The following AFAP1L1 variants were observed in gnomAD, a reference collection of about 807,000 sequenced individuals.
AFAP1L1 encodes actin filament-associated protein 1-like 1.
Under a neutral mutation model 99.8 loss-of-function variants are expected in AFAP1L1, and 77 were observed. The observed-to-expected ratio is 0.77, with a 90% CI of 0.64 to 0.93. AFAP1L1 has a LOEUF of 0.93. AFAP1L1 is among the 40% of genes least tolerant of loss of function. The probability of loss-of-function intolerance (pLI) is 0.00; values close to 1 mark genes in which losing one functional copy is unlikely to be tolerated. For synonymous variants in AFAP1L1, 373 were observed against 395.3 expected, an observed-to-expected ratio of 0.94 and a Z score of 0.67; for missense variants, 893 against 996.8, an observed-to-expected ratio of 0.90 and a Z score of 1.40.
intron 16 of AFAP1L1, 79 bp from the exon 17 acceptor site, chr5:149,332,616 C>A: frequency 4.7e-6 from 7 of 1,492,474 alleles, no homozygotes; most frequent in Non-Finnish European, 5.4e-6. Context: ...GAGGGGCAGA[C>A]AAAGGCCTGA....
Position 149,320,568 on chromosome 5 carries a change from A to C in AFAP1L1, c.1698+105A>C, listed in dbSNP as rs1386293272. On this transcript the variant is annotated intron_variant, in intron 14 of 18. Coordinates refer to ENST00000296721, the MANE Select transcript of AFAP1L1 (RefSeq NM_152406.4). This position sits in a 1 kb window ranked among gnomAD's most constrained non-coding sequence, Gnocchi z 4.0. The stretch of plus-strand genomic sequence containing the variant: ...GCCTCAGAAAGATCATTTTCATTTA[A>C]GCAGCAGTAGCTAGAAGGGGAGCCC... The C allele has an allele frequency of 1.9e-6, 2 of 1,057,590 alleles. No individual in the cohort carries two copies. The highest frequency in any genetic ancestry group is 3.1e-5 in the African/African-American group (2 of 63,612). 65.5% of individuals were successfully genotyped at this position (1,057,590 alleles called of 1,614,324 possible). A position where few individuals can be genotyped will look rare whatever the true frequency, so the allele number is the denominator to read the frequency against.
At chr5:149,333,825 C>CA (rs1200879932) in intron 17 of AFAP1L1, among the ~76,000 whole-genome samples, 5 of 152,120 alleles carry the variant, frequency 3.3e-5, no homozygotes, top group African/African-American at 4.8e-5. Context: ...CTCGGGAGAG[C>CA]AAAAAACTGA....
chr5:149,292,721 A>G (rs1469584991), intron 1 of AFAP1L1, among the ~76,000 whole-genome samples: 1 of 152,184 alleles, frequency 6.6e-6, no homozygotes, highest in African/African-American at 2.4e-5. Context: ...AGACTCAACT[A>G]AACCAAGCAA....
At chr5:149,275,807 T>C (rs1436593834) in intron 1 of AFAP1L1, among the ~76,000 whole-genome samples, 1 of 152,076 alleles carries the variant, frequency 6.6e-6, no homozygotes, top group African/African-American at 2.4e-5. Flanking sequence ...TGCCCGGCCG[T>C]CTCTTCTTCT....
At chr5:149,294,726 T>C (rs2127592683) in intron 1 of AFAP1L1, among the ~76,000 whole-genome samples, 1 of 152,256 alleles carries the variant, frequency 6.6e-6, no homozygotes, top group African/African-American at 2.4e-5. Context: ...GGTAAAGGTA[T>C]CCCCAGATCA....
At chr5:149,306,720 C>T (rs925731016) in intron 6 of AFAP1L1, among the ~76,000 whole-genome samples, 2 of 152,280 alleles carry the variant, frequency 1.3e-5, no homozygotes, top group East Asian at 1.9e-4. Flanking sequence ...CTGAAAATAA[C>T]GAGAGACAAC....
At chr5:149,274,884 CAAAAAAAAAA>C (rs60097014) in intron 1 of AFAP1L1, among the ~76,000 whole-genome samples, 1 of 123,530 alleles carries the variant, frequency 8.1e-6, no homozygotes, top group African/African-American at 3.0e-5. Context: ...GATTCTGTCT[CAAAAAAAAAA>C]AAAAAAAAGT....
chr5:149,338,993 G>A (rs1292246805), intron 18 of AFAP1L1, among the ~76,000 whole-genome samples: 1 of 152,224 alleles, frequency 6.6e-6, no homozygotes, highest in Non-Finnish European at 1.5e-5. Context: ...GAAGTAACCA[G>A]TGAGGGGCCA....
In AFAP1L1 at chr5:149,341,840, A is replaced by G. The variant is rs1022279067; in HGVS notation, c.*1810A>G. 1 of 152,192 alleles carries G rather than the reference A, an allele frequency of 6.6e-6. No individual in the cohort carries two copies. Among genetic ancestry groups the G allele is most frequent in the African/African-American group, 2.4e-5 (1 of 41,452 alleles). 9.4% of individuals were successfully genotyped at this position (152,192 alleles called of 1,614,324 possible). On this transcript the variant is annotated 3_prime_UTR_variant, in exon 19 of 19. Coordinates refer to ENST00000296721, the MANE Select transcript of AFAP1L1 (RefSeq NM_152406.4). ...CACAAGCCTGTGTTCTTTCCACTGA[A>G]GAGGAAATTACTTTTCAGTGTTCTT... is the stretch of plus-strand genomic sequence containing the variant.
rs879226804 is a variant in AFAP1L1, at chr5:149,317,631, C to T, written c.1268-98C>T. 1.2e-5 allele frequency: 15 copies of T among 1,284,766 alleles called. No individual in the cohort carries two copies. In the African/African-American group the frequency reaches 2.1e-4, roughly 18 times the overall value. The allele number at this position is 1,284,766 out of a possible 1,614,324, so 79.6% of individuals were successfully genotyped here. On this transcript the variant is annotated intron_variant, in intron 11 of 18. Coordinates refer to ENST00000296721, the MANE Select transcript of AFAP1L1 (RefSeq NM_152406.4). ...ACAGGGGAAAGAGAGCTGACCAGGA[C>T]CCCGAGGCCTTCTTTCCAGCAGACA...
chr5:149,300,379 G>C (rs756068750), intron 3 of AFAP1L1, 25 bp downstream of exon 3: 100 of 1,597,308 alleles, frequency 6.3e-5, no homozygotes, highest in Non-Finnish European at 8.1e-5. Flanking sequence ...CCCAACCTCA[G>C]CTACGGAGCC....
chr5:149,317,651 C>T (rs1301031460), intron 11 of AFAP1L1, 78 bp from the exon 12 acceptor site: 2 of 1,499,400 alleles, frequency 1.3e-6, no homozygotes, highest in East Asian at 2.4e-5. Context: ...TTCTTTCCAG[C>T]AGACACATGG....
rs79530550 is a variant in AFAP1L1, at chr5:149,300,446, A to G, written c.229+92A>G. 2.2e-3 allele frequency: 2,442 copies of G among 1,130,324 alleles called. 53 individuals are homozygous for G. In the African/African-American group the frequency reaches 0.034, roughly 16 times the overall value. The allele number at this position is 1,130,324 out of a possible 1,614,324, so 70.0% of individuals were successfully genotyped here. On this transcript the variant is annotated intron_variant, in intron 3 of 18. Transcript: ENST00000296721. ...CCCCGACTGGGCTGGGCTTGGCTCT[A>G]ACATCGCATCATTAAGTCGCTTTGG...
chr5:149,315,949 T>G, intron 10 of AFAP1L1, 35 bp downstream of exon 10: 6 of 1,611,588 alleles, frequency 3.7e-6, no homozygotes, highest in Non-Finnish European at 5.1e-6. Flanking sequence ...TGGGGAATGC[T>G]GGAACTGGGC....
chr5:149,303,990 A>AC (rs1287185317), intron 5 of AFAP1L1, among the ~76,000 whole-genome samples: 3 of 152,044 alleles, frequency 2.0e-5, no homozygotes, highest in African/African-American at 7.3e-5. Flanking sequence ...CATTGTCATC[A>AC]CCCCAGAAGG....
rs572865166 is a variant in AFAP1L1 at position 149,301,291 on chromosome 5, A to T, written c.327+61A>T. 1,988 of 1,529,180 alleles carry T rather than the reference A, an allele frequency of 1.3e-3. 3 individuals carry two copies. Among genetic ancestry groups the T allele is most frequent in the Non-Finnish European group, 1.7e-3 (1,912 of 1,108,104 alleles). 94.7% of individuals were successfully genotyped at this position (1,529,180 alleles called of 1,614,324 possible). On this transcript the variant is annotated intron_variant, in intron 4 of 18. Coordinates refer to ENST00000296721, the MANE Select transcript of AFAP1L1 (RefSeq NM_152406.4). ...TCTGTCCCTCTGGAGGAGGCAAGGG[A>T]AGCTCTCCCCTTCCCACTGGGTGCT...
At chr5:149,301,573 A>G (rs955352765) in intron 4 of AFAP1L1, among the ~76,000 whole-genome samples, 3 of 152,162 alleles carry the variant, frequency 2.0e-5, no homozygotes, top group Non-Finnish European at 4.4e-5. Flanking sequence ...ATTGCATAAC[A>G]TAAGCCAGGC....
chr5:149,300,453 C>T lies in AFAP1L1; in HGVS notation c.229+99C>T, dbSNP rs1027531304. The stretch of plus-strand genomic sequence containing the variant: ...TGGGCTGGGCTTGGCTCTAACATCG[C>T]ATCATTAAGTCGCTTTGGGCCAGTC... On this transcript the variant is annotated intron_variant, in intron 3 of 18. Coordinates refer to ENST00000296721, the MANE Select transcript of AFAP1L1 (RefSeq NM_152406.4). The T allele has an allele frequency of 1.9e-5, 20 of 1,051,912 alleles. No individual in the cohort carries two copies. The Admixed American group carries it at 3.9e-4, about 20-fold the overall frequency. 65.2% of individuals were successfully genotyped at this position (1,051,912 alleles called of 1,614,324 possible).
intron 1 of AFAP1L1, among the ~76,000 whole-genome samples, chr5:149,285,182 G>A (rs1199133769): frequency 1.3e-5 from 2 of 152,088 alleles, no homozygotes; most frequent in African/African-American, 2.4e-5. Context: ...ACACTGAAAG[G>A]TTTCTGCAGG....
Sources: gnomAD v4.1 joint callset for allele counts (sites outside exome capture counted in the v4.1 genomes callset) on GRCh38, gnomAD v4.1.1 for gene constraint, Gnocchi (gnomAD v3.1) non-coding constraint, MANE v1.5 for transcripts, NCBI Gene and HGNC (gene_info 2026-07-23, HGNC 2026-07-21) for gene names.